Variants in DGKI observed in about 807,000 individuals in gnomAD.
DGKI encodes the protein DAG kinase iota.
A neutral mutation model predicts 147.5 loss-of-function variants in DGKI; 55 were observed. The observed-to-expected ratio is 0.37, with a 90% CI of 0.30 to 0.47. DGKI has a LOEUF of 0.47. DGKI is among the 20% of genes least tolerant of loss of function. The pLI is 1.00. For missense variants in DGKI, 1,007 were observed against 1,323.8 expected, an observed-to-expected ratio of 0.76 and a Z score of 3.71; for synonymous variants, 469 against 477.1, an observed-to-expected ratio of 0.98 and a Z score of 0.22.
intron 1 of DGKI, among the ~76,000 whole-genome samples, chr7:137,842,270 G>A (rs760829262): frequency 6.6e-6 from 1 of 152,128 alleles, no homozygotes; most frequent in African/African-American, 2.4e-5. Context: ...ACGTGGCTTC[G>A]AACTCCTCAA....
intron 19 of DGKI, among the ~76,000 whole-genome samples, chr7:137,566,399 G>A (rs1449477377): frequency 1.3e-5 from 2 of 152,066 alleles, no homozygotes; most frequent in Non-Finnish European, 2.9e-5. Context: ...TGCTATATGA[G>A]TAGCAAGTAG....
At chr7:137,792,084 G>A (rs1241543552) in intron 1 of DGKI, among the ~76,000 whole-genome samples, 2 of 152,172 alleles carry the variant, frequency 1.3e-5, no homozygotes, top group African/African-American at 4.8e-5. Context: ...TGAGCCATAG[G>A]TCTAGAATAT....
At chr7:137,444,041 T>A in intron 28 of DGKI, 36 bp downstream of exon 28, 1 of 1,538,104 alleles carries the variant, frequency 6.5e-7, no homozygotes, top group Middle Eastern at 1.7e-4. Flanking sequence ...CAAGTTTCAA[T>A]CCTGAATTGG....
At chr7:137,609,434 A>C in intron 9 of DGKI, 101 bp downstream of exon 9, 1 of 833,894 alleles carries the variant, frequency 1.2e-6, no homozygotes. Context: ...GCAGTAGTAG[A>C]AGATAGATCA....
intron 28 of DGKI, among the ~76,000 whole-genome samples, chr7:137,420,052 C>T (rs1192602785): frequency 6.6e-6 from 1 of 152,222 alleles, no homozygotes; most frequent in Non-Finnish European, 1.5e-5. Flanking sequence ...CCACTAAGAG[C>T]TGAAAGATCC....
intron 22 of DGKI, among the ~76,000 whole-genome samples, chr7:137,487,350 T>C (rs941071642): frequency 1.3e-5 from 2 of 152,166 alleles, no homozygotes; most frequent in Non-Finnish European, 2.9e-5. Flanking sequence ...TCTGGTAAAA[T>C]GACAAGTTCC....
chr7:137,559,939 A>G (rs759944951), intron 19 of DGKI, among the ~76,000 whole-genome samples: 1 of 152,244 alleles, frequency 6.6e-6, no homozygotes, highest in Non-Finnish European at 1.5e-5. Context: ...ATTCTGGAAC[A>G]AAAGAAATAT....
At position 137,599,390 on chromosome 7, in the gene DGKI, C is replaced by T. The variant is rs190417100; in HGVS notation, c.1250+433G>A. Among the ~76,000 whole-genome samples, 353 of 151,956 alleles carry T rather than the reference C, an allele frequency of 2.3e-3. 1 individual carries two copies. Among genetic ancestry groups the T allele is most frequent in the African/African-American group, 8.2e-3 (340 of 41,464 alleles). On this transcript the variant is annotated intron_variant, in intron 11 of 32. Transcript: ENST00000614521. ...ATTCTCTCTCTCTCACACACAAGCGCGCGCACACACACACACACACTCTCT... is the reference window on the plus strand; with the variant it reads ...ATTCTCTCTCTCTCACACACAAGCGTGCGCACACACACACACACACTCTCT...
At chr7:137,586,413 C>T (rs990650440) in intron 13 of DGKI, among the ~76,000 whole-genome samples, 2 of 150,970 alleles carry the variant, frequency 1.3e-5, no homozygotes, top group Non-Finnish European at 2.9e-5. Flanking sequence ...GGCGACACAA[C>T]AAGACTGCAT....
chr7:137,841,867 G>C (rs1011723828), intron 1 of DGKI, among the ~76,000 whole-genome samples: 1 of 152,170 alleles, frequency 6.6e-6, no homozygotes, highest in African/African-American at 2.4e-5. Flanking sequence ...CAGCAGAATT[G>C]AACACCAGCA....
intron 1 of DGKI, among the ~76,000 whole-genome samples, chr7:137,829,766 A>G (rs1181691661): frequency 6.6e-6 from 1 of 152,228 alleles, no homozygotes; most frequent in African/African-American, 2.4e-5. Flanking sequence ...CAAAGTCCAC[A>G]TGGATTTCTT....
chr7:137,652,772 G>T (rs2129011088), intron 5 of DGKI, among the ~76,000 whole-genome samples: 1 of 152,236 alleles, frequency 6.6e-6, no homozygotes, highest in Middle Eastern at 3.4e-3. Flanking sequence ...ATTGTCACTA[G>T]CAATTATAGC....
chr7:137,759,622 G>A (rs775511155), intron 1 of DGKI, among the ~76,000 whole-genome samples: 13 of 152,192 alleles, frequency 8.5e-5, no homozygotes, highest in South Asian at 6.2e-4. Context: ...GATTACAGGC[G>A]TAAGCCACCA....
At chr7:137,489,192 C>T (rs1413744566) in intron 21 of DGKI, among the ~76,000 whole-genome samples, 2 of 151,976 alleles carry the variant, frequency 1.3e-5, no homozygotes, top group African/African-American at 2.4e-5. Context: ...CTTCACTTCC[C>T]CAATGCCTAG....
chr7:137,412,904 T>A (rs1336500527), intron 28 of DGKI, among the ~76,000 whole-genome samples: 1 of 152,176 alleles, frequency 6.6e-6, no homozygotes, highest in African/African-American at 2.4e-5. Flanking sequence ...AAACTACTTT[T>A]AGGAATACGT....
At chr7:137,844,727 C>A (rs758395939) in intron 1 of DGKI, among the ~76,000 whole-genome samples, 7 of 152,168 alleles carry the variant, frequency 4.6e-5, no homozygotes, top group Non-Finnish European at 1.5e-5. Context: ...AAGCCAAAAC[C>A]CCACACAACA....
rs186741940 is a variant in DGKI at position 137,730,805 on chromosome 7, G to A, written c.402-40803C>T. On this transcript the variant is annotated intron_variant, in intron 1 of 32. Coordinates refer to ENST00000614521, the MANE Select transcript of DGKI (RefSeq NM_001321708.2). ...TAAAAATCCTCATTCCAAAGCTTTA[G>A]AGCTGGTTTTGGGCAAATCACTTAA... is the stretch of plus-strand genomic sequence containing the variant. Among the ~76,000 whole-genome samples the A allele has an allele frequency of 3.3e-5, 5 of 152,114 alleles. No individual in the cohort carries two copies. The East Asian group carries it at 9.7e-4, about 29-fold the overall frequency.
intron 26 of DGKI, among the ~76,000 whole-genome samples, chr7:137,464,826 C>T (rs1381054946): frequency 6.6e-6 from 1 of 152,184 alleles, no homozygotes. Context: ...CTGTATGAGT[C>T]TGTGTACACG....
At chr7:137,577,841 C>T (rs77011390) in intron 16 of DGKI, among the ~76,000 whole-genome samples, 204 of 152,314 alleles carry the variant, frequency 1.3e-3, no homozygotes, top group Non-Finnish European at 2.4e-3. Flanking sequence ...CGTATGCGTC[C>T]ATGAAAAACA....
Sources: gnomAD v4.1 joint callset for allele counts (sites outside exome capture counted in the v4.1 genomes callset) on GRCh38, gnomAD v4.1.1 for gene constraint, MANE v1.5 for transcripts, NCBI Gene and HGNC (gene_info 2026-07-23, HGNC 2026-07-21) for gene names.